Variants in ENPP2 observed in about 807,000 individuals in gnomAD.
ENPP2 encodes autotaxin.
ENPP2 carries 51 observed loss-of-function variants against 120.2 expected under a neutral mutation model. That is an observed-to-expected ratio of 0.42 (90% CI 0.34 to 0.54). The LOEUF is 0.54. Among genes scored for constraint, ENPP2 ranks in the 20% least tolerant of loss-of-function variants. The pLI is 0.04. For missense variants in ENPP2, 920 were observed against 1,066.5 expected (o/e 0.86, Z 1.91); for synonymous variants, 365 against 366.4 (o/e 1.00, Z 0.04).
At position 119,582,476 on chromosome 8, in the gene ENPP2, A is replaced by C; in HGVS notation, c.1670T>G (p.Met557Arg). Residue 557 changes from methionine to arginine, a missense_variant, in exon 18 of 25, where the codon ATG becomes AGG. Transcript: ENST00000075322. ...EVTRPNYPGIMYLQSDFDLGC... is the reference protein window; with the variant it reads ...EVTRPNYPGIRYLQSDFDLGC... ...CAGGTCAAAATCAGACTGAAGGTAC[A>C]TAATCCCTGGATAATTGGGTCTGGT... 1.2e-6 allele frequency: 2 copies of C among 1,614,162 alleles called. No individual in the cohort carries two copies. The highest frequency in any genetic ancestry group is 1.1e-5 in the South Asian group (1 of 91,086).
intron 1 of ENPP2, among the ~76,000 whole-genome samples, chr8:119,657,014 G>T (rs186271515): frequency 1.1e-4 from 16 of 152,170 alleles, no homozygotes; most frequent in East Asian, 9.7e-4. Context: ...TGCAACCTCT[G>T]CCTCCCAGTT....
chr8:119,571,930 A>T, intron 19 of ENPP2: 2 of 368,288 alleles, frequency 5.4e-6, no homozygotes, highest in Non-Finnish European at 4.9e-6. Flanking sequence ...CGGATTTGAG[A>T]CAAAGCGGCC....
chr8:119,621,360 T>C lies in ENPP2; in HGVS notation c.418+34A>G, dbSNP rs769840053. On this transcript the variant is annotated intron_variant, in intron 4 of 24. Coordinates refer to ENST00000075322, the MANE Select transcript of ENPP2 (RefSeq NM_001040092.3). ...CTGGAGCACCTCCAGTTTTTATTCTTTTAAAGCTCAGGCCAATCCAAAGAA... is the reference window on the plus strand; with the variant it reads ...CTGGAGCACCTCCAGTTTTTATTCTCTTAAAGCTCAGGCCAATCCAAAGAA... 6 of 1,607,806 alleles carry C rather than the reference T, an allele frequency of 3.7e-6. No individual in the cohort carries two copies. The East Asian group carries it at 1.3e-4, about 36-fold the overall frequency.
Position 119,616,247 on chromosome 8 carries a change from A to G in ENPP2, c.777+18T>C, listed in dbSNP as rs1385334838. 3 of 1,599,278 alleles carry G rather than the reference A, an allele frequency of 1.9e-6. No individual in the cohort carries two copies. Among genetic ancestry groups the G allele is most frequent in the Admixed American group, 1.7e-5 (1 of 59,562 alleles). On this transcript the variant is annotated intron_variant, in intron 8 of 24. Transcript: ENST00000075322. ...TGAACACACAAACACATAGACACACAATAAATGCAAAACTTACCGGTTGAC... is the reference window on the plus strand; with the variant it reads ...TGAACACACAAACACATAGACACACGATAAATGCAAAACTTACCGGTTGAC...
At chr8:119,646,930 C>T (rs62528903) in intron 1 of ENPP2, among the ~76,000 whole-genome samples, 1 of 152,040 alleles carries the variant, frequency 6.6e-6, no homozygotes, top group Non-Finnish European at 1.5e-5. Flanking sequence ...GTGAGCCTCC[C>T]CAGTTTTGCC....
chr8:119,629,162 T>C (rs1816483449), intron 2 of ENPP2, among the ~76,000 whole-genome samples: 1 of 152,104 alleles, frequency 6.6e-6, no homozygotes, highest in Non-Finnish European at 1.5e-5. Flanking sequence ...TGTGTGGGTA[T>C]GTGTATATGT....
At chr8:119,619,613 C>A (rs937027637) in intron 4 of ENPP2, among the ~76,000 whole-genome samples, 5 of 151,240 alleles carry the variant, frequency 3.3e-5, no homozygotes, top group Admixed American at 2.6e-4. Flanking sequence ...TGTATCCCTC[C>A]AGAAATAAAC....
chr8:119,573,397 G>C (rs1387520767), intron 19 of ENPP2, among the ~76,000 whole-genome samples: 31 of 114,034 alleles, frequency 2.7e-4, no homozygotes, highest in African/African-American at 1.3e-3. Context: ...ACAGAGCGAG[G>C]CTCCGTCTCT....
At chr8:119,643,870 G>T (rs1817353541) in intron 1 of ENPP2, among the ~76,000 whole-genome samples, 1 of 152,230 alleles carries the variant, frequency 6.6e-6, no homozygotes, top group Non-Finnish European at 1.5e-5. Flanking sequence ...GCGATTGGAA[G>T]GGTGTGTGGG....
At chr8:119,573,894 G>C (rs548533036) in intron 19 of ENPP2, among the ~76,000 whole-genome samples, 1 of 152,274 alleles carries the variant, frequency 6.6e-6, no homozygotes, top group African/African-American at 2.4e-5. Context: ...CACACAGCTG[G>C]AACACAAAAG....
intron 11 of ENPP2, 74 bp downstream of exon 11, chr8:119,600,604 T>A (rs2130554140): frequency 1.1e-6 from 1 of 914,206 alleles, no homozygotes. Flanking sequence ...CTTTATACAA[T>A]TCCTGAAATA....
chr8:119,672,360 G>A (rs114449190), intron 1 of ENPP2, among the ~76,000 whole-genome samples: 5,549 of 152,260 alleles, frequency 0.036, 344 homozygotes, highest in African/African-American at 0.13. Context: ...ATCCTGCTGG[G>A]CACTAGAGCG....
intron 2 of ENPP2, among the ~76,000 whole-genome samples, chr8:119,634,191 AATACATACATACATAC>A (rs5894490): frequency 3.2e-4 from 47 of 147,726 alleles, no homozygotes; most frequent in Middle Eastern, 3.4e-3. Flanking sequence ...TCAAAAAATA[AATACATACATACATAC>A]ATACATACAT....
intron 9 of ENPP2, among the ~76,000 whole-genome samples, chr8:119,605,108 G>A (rs1814609553): frequency 6.6e-6 from 1 of 152,008 alleles, no homozygotes; most frequent in Non-Finnish European, 1.5e-5. Context: ...GTCTCACTCT[G>A]TTGCCCAGGC....
At chr8:119,660,021 C>A (rs1328157767) in intron 1 of ENPP2, among the ~76,000 whole-genome samples, 1 of 152,126 alleles carries the variant, frequency 6.6e-6, no homozygotes, top group African/African-American at 2.4e-5. Context: ...GAAATGTGGA[C>A]AGGCCAAAGT....
chr8:119,663,119 C>CAAAAA (rs34922221), intron 1 of ENPP2, among the ~76,000 whole-genome samples: 1 of 120,420 alleles, frequency 8.3e-6, no homozygotes, highest in Admixed American at 7.9e-5. Context: ...ACTCTTGTCT[C>CAAAAA]AAAAAAAAAA....
intron 3 of ENPP2, among the ~76,000 whole-genome samples, chr8:119,622,224 T>C (rs1422141595): frequency 2.0e-5 from 3 of 152,218 alleles, no homozygotes; most frequent in Non-Finnish European, 4.4e-5. Context: ...CCACAGCACC[T>C]AGCCTAAAGT....
chr8:119,579,662 C>A (rs1457642873), intron 19 of ENPP2, among the ~76,000 whole-genome samples: 5 of 151,882 alleles, frequency 3.3e-5, no homozygotes, highest in African/African-American at 1.2e-4. Flanking sequence ...TGAGATGATC[C>A]TTCATATGAG....
At chr8:119,635,551 T>G (rs1816948740) in intron 2 of ENPP2, among the ~76,000 whole-genome samples, 1 of 152,204 alleles carries the variant, frequency 6.6e-6, no homozygotes, top group South Asian at 2.1e-4. Flanking sequence ...CTTGCAGTCT[T>G]AAAGGCAAAT....
Sources: allele counts gnomAD v4.1 joint callset (sites outside exome capture counted in the v4.1 genomes callset), GRCh38; gene constraint gnomAD v4.1.1; transcripts MANE v1.5; gene names NCBI Gene and HGNC (gene_info 2026-07-23, HGNC 2026-07-21).